The following HACD2 variants were observed in gnomAD, a reference collection of about 807,000 sequenced individuals.
The protein encoded by HACD2 is 3-hydroxyacyl-CoA dehydratase 2.
HACD2 carries 15 observed loss-of-function variants against 31.0 expected under a neutral mutation model. That is an observed-to-expected ratio of 0.48 (90% CI 0.32 to 0.75). The LOEUF (loss-of-function observed/expected upper bound fraction) is 0.75, where lower values mean the gene tolerates loss of function less well. Among genes scored for constraint, HACD2 ranks in the 30% least tolerant of loss-of-function variants. The pLI is 0.03. For synonymous variants in HACD2, 115 were observed against 122.2 expected (o/e 0.94, Z 0.39); for missense variants, 283 against 313.0 (o/e 0.90, Z 0.72).
chr3:123,557,312 C>T (rs189825027), intron 3 of HACD2, among the ~76,000 whole-genome samples: 12 of 152,316 alleles, frequency 7.9e-5, no homozygotes, highest in Admixed American at 3.9e-4. Context: ...ACCACCCCCT[C>T]CCCTTATCCC....
chr3:123,496,128 A>G (rs768566929), intron 6 of HACD2, among the ~76,000 whole-genome samples: 2 of 152,084 alleles, frequency 1.3e-5, no homozygotes, highest in African/African-American at 2.4e-5. Context: ...GGCTCAGTCA[A>G]TCCTCCCCAC....
chr3:123,550,124 C>G (rs2056602852), intron 3 of HACD2, among the ~76,000 whole-genome samples: 1 of 152,162 alleles, frequency 6.6e-6, no homozygotes, highest in South Asian at 2.1e-4. Context: ...GCCTGGGCAA[C>G]ATAGTGAGAC....
At chr3:123,550,377 G>A (rs1004296053) in intron 3 of HACD2, among the ~76,000 whole-genome samples, 1 of 152,148 alleles carries the variant, frequency 6.6e-6, no homozygotes, top group Non-Finnish European at 1.5e-5. Context: ...TGGAGAAAAT[G>A]AGCAGCAATG....
chr3:123,516,735 G>A (rs1292742895), intron 4 of HACD2, among the ~76,000 whole-genome samples: 2 of 152,208 alleles, frequency 1.3e-5, no homozygotes, highest in African/African-American at 2.4e-5. Context: ...ATCAACAAGC[G>A]ATACATGATC....
intron 2 of HACD2, among the ~76,000 whole-genome samples, chr3:123,581,424 G>C (rs928879330): frequency 6.6e-6 from 1 of 152,144 alleles, no homozygotes; most frequent in African/African-American, 2.4e-5. Flanking sequence ...AGTCTAAGTA[G>C]GGCCAACCAG....
rs1177573606 is a variant in HACD2, at chr3:123,567,785, AGGAAAAAAGG to A, written c.274-15_274-6del. On this transcript the variant is annotated splice_region_variant and splice_polypyrimidine_tract_variant and intron_variant, in intron 2 of 6. Coordinates refer to ENST00000383657, the MANE Select transcript of HACD2 (RefSeq NM_198402.5). Reference sequence around the variant, plus strand: ...ACCTATAGCACAATGTAAAATCTAGAGGAAAAAAGGGGAAAAAAGAGGAGAATTAGTAAGA... The same window carrying A: ...ACCTATAGCACAATGTAAAATCTAGAGGAAAAAAGAGGAGAATTAGTAAGA... 1 of 1,498,686 alleles carries A rather than the reference AGGAAAAAAGG, an allele frequency of 6.7e-7. No individual in the cohort carries two copies. 92.8% of individuals were successfully genotyped at this position (1,498,686 alleles called of 1,614,324 possible).
At chr3:123,554,369 T>C (rs191033913) in intron 3 of HACD2, among the ~76,000 whole-genome samples, 1 of 152,088 alleles carries the variant, frequency 6.6e-6, no homozygotes, top group African/African-American at 2.4e-5. Context: ...GACATGGTGG[T>C]ACACATCTGT....
At chr3:123,537,626 T>C (rs1055615582) in intron 3 of HACD2, among the ~76,000 whole-genome samples, 1 of 149,266 alleles carries the variant, frequency 6.7e-6, no homozygotes, top group African/African-American at 2.4e-5. Context: ...AAAAAAGTTT[T>C]AAAATTTTTT....
At chr3:123,513,516 A>G (rs1576739170) in intron 4 of HACD2, among the ~76,000 whole-genome samples, 1 of 152,126 alleles carries the variant, frequency 6.6e-6, no homozygotes, top group Admixed American at 6.6e-5. Context: ...GTTATCAGGG[A>G]ACGCTGAATG....
intron 6 of HACD2, among the ~76,000 whole-genome samples, chr3:123,500,281 C>G (rs1037102266): frequency 3.9e-5 from 6 of 152,148 alleles, no homozygotes; most frequent in African/African-American, 1.4e-4. Context: ...AGTTTCAAAC[C>G]CACATGCTGA....
chr3:123,522,895 C>T (rs2056234314), intron 4 of HACD2, among the ~76,000 whole-genome samples: 1 of 152,166 alleles, frequency 6.6e-6, no homozygotes, highest in African/African-American at 2.4e-5. Flanking sequence ...GACGGCACAG[C>T]TTTGGTCCAA....
At chr3:123,525,238 A>G (rs936343570) in intron 4 of HACD2, among the ~76,000 whole-genome samples, 1 of 152,150 alleles carries the variant, frequency 6.6e-6, no homozygotes, top group Non-Finnish European at 1.5e-5. Flanking sequence ...AAAAAGGTGG[A>G]TGGGGTATTT....
chr3:123,502,727 T>C, intron 4 of HACD2, 46 bp from the exon 5 acceptor site: 4 of 1,555,728 alleles, frequency 2.6e-6, no homozygotes, highest in Non-Finnish European at 3.5e-6. Flanking sequence ...CAGACAACGT[T>C]AATGAAGACA....
At chr3:123,502,175 G>A (rs1474632071) in intron 5 of HACD2, among the ~76,000 whole-genome samples, 1 of 152,066 alleles carries the variant, frequency 6.6e-6, no homozygotes, top group East Asian at 1.9e-4. Context: ...AGGAGAATAG[G>A]ACTTGGTCCA....
chr3:123,494,771 A>G lies in HACD2; in HGVS notation c.*117T>C. On this transcript the variant is annotated 3_prime_UTR_variant, in exon 7 of 7. Transcript: ENST00000383657. ...GGATTTTTGTTTTAGTTTTGTTTGAATATTTTAAAAATAGTTCTTACTTAT... is the reference window on the plus strand; with the variant it reads ...GGATTTTTGTTTTAGTTTTGTTTGAGTATTTTAAAAATAGTTCTTACTTAT... The G allele has an allele frequency of 4.1e-6, 3 of 734,902 alleles. No individual in the cohort carries two copies. Among genetic ancestry groups the G allele is most frequent in the Non-Finnish European group, 6.9e-6 (3 of 432,780 alleles). The allele number at this position is 734,902 out of a possible 1,614,324, so 45.5% of individuals were successfully genotyped here. A position where few individuals can be genotyped will look rare whatever the true frequency, so the allele number is the denominator to read the frequency against.
intron 3 of HACD2, among the ~76,000 whole-genome samples, chr3:123,529,771 A>G (rs557842887): frequency 6.6e-6 from 1 of 152,334 alleles, no homozygotes; most frequent in Admixed American, 6.5e-5. Flanking sequence ...TAAATGTATA[A>G]ATGAATTATA....
rs1369815331 is a variant in HACD2 at position 123,558,147 on chromosome 3, A to G, written c.292+9615T>C. On this transcript the variant is annotated intron_variant, in intron 3 of 6. Transcript: ENST00000383657. The stretch of plus-strand genomic sequence containing the variant: ...AAAGACATGGAGAAAACTTAAACAC[A>G]TATTACTAAGTCAAAGAAGTCGGTC... Among the ~76,000 whole-genome samples, 3 of 152,206 alleles carry G rather than the reference A, an allele frequency of 2.0e-5. No homozygotes were observed. In the East Asian group the frequency reaches 5.8e-4, roughly 29 times the overall value.
chr3:123,569,842 A>G (rs2056833366), intron 2 of HACD2, among the ~76,000 whole-genome samples: 1 of 152,004 alleles, frequency 6.6e-6, no homozygotes, highest in South Asian at 2.1e-4. Context: ...ACAAAAAATT[A>G]GCTGGGCATA....
intron 3 of HACD2, among the ~76,000 whole-genome samples, chr3:123,545,522 T>TAAATAAATAAAC (rs1324652196): frequency 1.0e-4 from 10 of 96,202 alleles, no homozygotes; most frequent in Admixed American, 2.2e-4. Context: ...AATAAATAAA[T>TAAATAAATAAAC]AAATAGAAAT....
Sources: allele counts gnomAD v4.1 joint callset (sites outside exome capture counted in the v4.1 genomes callset), GRCh38; gene constraint gnomAD v4.1.1; transcripts MANE v1.5; gene names NCBI Gene and HGNC (gene_info 2026-07-23, HGNC 2026-07-21).